The following CALN1 variants were observed in gnomAD, a reference collection of about 807,000 sequenced individuals.
CALN1 encodes the protein calcium-binding protein 8.
Under a neutral mutation model 30.6 loss-of-function variants are expected in CALN1, and 17 were observed. The observed-to-expected ratio is 0.56, with a 90% CI of 0.38 to 0.83. CALN1 has a LOEUF of 0.83. Ranked by LOEUF, CALN1 falls within the 40% of genes least tolerant of loss-of-function variation. CALN1 has a pLI of 0.00. For synonymous variants in CALN1, 156 were observed against 131.4 expected, an observed-to-expected ratio of 1.19 and a Z score of -1.28; for missense variants, 291 against 354.9, an observed-to-expected ratio of 0.82 and a Z score of 1.45.
At chr7:72,338,486 T>C (rs949863583) in intron 2 of CALN1, among the ~76,000 whole-genome samples, 2 of 132,268 alleles carry the variant, frequency 1.5e-5, no homozygotes, top group South Asian at 5.0e-4. Flanking sequence ...TGTGTGTGTG[T>C]GTGTGTGTGT....
At chr7:72,132,672 A>C (rs920828414) in intron 3 of CALN1, among the ~76,000 whole-genome samples, 2 of 152,204 alleles carry the variant, frequency 1.3e-5, no homozygotes, top group African/African-American at 4.8e-5. Context: ...CATATGCTGA[A>C]TCTGCACTTA....
chr7:72,051,829 G>C (rs1042277856), intron 4 of CALN1, among the ~76,000 whole-genome samples: 2 of 152,168 alleles, frequency 1.3e-5, no homozygotes, highest in African/African-American at 4.8e-5. Flanking sequence ...GCTGCAAACA[G>C]TGCTGGGGAA....
chr7:71,810,386 T>G lies in CALN1; in HGVS notation c.608A>C (p.Glu203Ala). ...CCCCGAGGTCTCATTCAGGCTCTCT[T>G]CCTCATTGATAATGATGTTCTCAAT... ...KDIENIIINE[E>A]ESLNETSGNC... Residue 203 changes from glutamate (E) to alanine (A), a missense_variant, in exon 6 of 7, where the codon GAA becomes GCA. Coordinates refer to ENST00000395275, the MANE Select transcript of CALN1 (RefSeq NM_031468.4). The G allele has an allele frequency of 6.2e-7, 1 of 1,614,148 alleles. No homozygotes were observed.
At chr7:71,965,395 A>G (rs1797481815) in intron 5 of CALN1, among the ~76,000 whole-genome samples, 1 of 152,126 alleles carries the variant, frequency 6.6e-6, no homozygotes, top group South Asian at 2.1e-4. Flanking sequence ...GAAAAGCACA[A>G]TCTTTAGTGT....
chr7:72,314,122 G>A (rs867721288), intron 2 of CALN1, among the ~76,000 whole-genome samples: 13 of 152,148 alleles, frequency 8.5e-5, no homozygotes, highest in African/African-American at 2.4e-4. Context: ...GTGAGGTGTC[G>A]GTCGACTGAG....
At chr7:72,387,073 G>T (rs1232327210) in intron 2 of CALN1, among the ~76,000 whole-genome samples, 7 of 150,898 alleles carry the variant, frequency 4.6e-5, no homozygotes, top group Non-Finnish European at 8.8e-5. Context: ...GTTCCCAATG[G>T]CCAAGGGTGC....
At chr7:72,013,246 G>GGTTTT in intron 5 of CALN1, among the ~76,000 whole-genome samples, 1 of 122,180 alleles carries the variant, frequency 8.2e-6, no homozygotes, top group African/African-American at 3.8e-5. Context: ...GCTAATTTGA[G>GGTTTT]ATTTTTTTTT....
chr7:72,346,020 A>G (rs1410354081), intron 2 of CALN1, among the ~76,000 whole-genome samples: 2 of 152,232 alleles, frequency 1.3e-5, no homozygotes, highest in Admixed American at 6.5e-5. Flanking sequence ...GGATTTATAT[A>G]AAACAGACAT....
intron 3 of CALN1, among the ~76,000 whole-genome samples, chr7:72,256,055 T>C (rs1795891222): frequency 6.6e-6 from 1 of 152,176 alleles, no homozygotes; most frequent in African/African-American, 2.4e-5. Context: ...AGGAGAGATA[T>C]ACGGAAGCGA....
At position 72,338,521 on chromosome 7, in the gene CALN1, G is replaced by GTCTGTC. The variant is rs368628309; in HGVS notation, c.120-59712_120-59711insGACAGA. On this transcript the variant is annotated intron_variant, in intron 2 of 6. Coordinates refer to ENST00000395275, the MANE Select transcript of CALN1 (RefSeq NM_031468.4). ...TGTGTGTGTGTGTGTGTGTGTGTGT[G>GTCTGTC]TGTGTGTCTCACCTGGGTGTGGTTT... is the stretch of plus-strand genomic sequence containing the variant. 8.4e-3 allele frequency among the ~76,000 whole-genome samples: 540 copies of GTCTGTC among 64,218 alleles called. 19 individuals are homozygous for GTCTGTC. The highest frequency in any genetic ancestry group is 0.022 in the African/African-American group (507 of 22,828). The allele number at this position is 64,218 out of a possible 152,430, so 42.1% of individuals were successfully genotyped here.
intron 4 of CALN1, among the ~76,000 whole-genome samples, chr7:72,098,235 C>G (rs556252903): frequency 2.0e-5 from 3 of 152,284 alleles, no homozygotes; most frequent in East Asian, 3.9e-4. Flanking sequence ...TGGTCCCCAA[C>G]TGGTGCTTGG....
At chr7:72,037,965 G>A (rs1433999974) in intron 4 of CALN1, among the ~76,000 whole-genome samples, 11 of 152,168 alleles carry the variant, frequency 7.2e-5, no homozygotes, top group South Asian at 2.1e-4. Context: ...TGGGGAAGGC[G>A]AGATGGAGGA....
chr7:72,098,066 T>C (rs997646524), intron 4 of CALN1, among the ~76,000 whole-genome samples: 2 of 152,140 alleles, frequency 1.3e-5, no homozygotes, highest in Non-Finnish European at 2.9e-5. Flanking sequence ...ACTAATACGA[T>C]GCAGGGGATG....
intron 3 of CALN1, among the ~76,000 whole-genome samples, chr7:72,196,044 T>G (rs1375270929): frequency 1.3e-5 from 2 of 152,022 alleles, no homozygotes; most frequent in Non-Finnish European, 2.9e-5. Flanking sequence ...AGTAGATTAG[T>G]GGCTGCCTAG....
chr7:71,959,517 G>A (rs1019801350), intron 5 of CALN1, among the ~76,000 whole-genome samples: 9 of 152,108 alleles, frequency 5.9e-5, no homozygotes, highest in Admixed American at 2.0e-4. Flanking sequence ...GAGCATAGGG[G>A]TATACCAGTT....
intron 6 of CALN1, among the ~76,000 whole-genome samples, chr7:71,802,827 A>T (rs1015688192): frequency 1.3e-5 from 2 of 152,156 alleles, no homozygotes; most frequent in Non-Finnish European, 2.9e-5. Context: ...GTTGGAGACC[A>T]GCCTGGCCAA....
chr7:72,136,379 T>C (rs1217156777), intron 3 of CALN1, among the ~76,000 whole-genome samples: 1 of 152,110 alleles, frequency 6.6e-6, no homozygotes, highest in Non-Finnish European at 1.5e-5. Context: ...GCAGCTTCCT[T>C]TCCTCTCTCA....
chr7:71,789,279 T>G (rs1030069459), intron 6 of CALN1, among the ~76,000 whole-genome samples: 2 of 152,146 alleles, frequency 1.3e-5, no homozygotes, highest in Non-Finnish European at 2.9e-5. Context: ...TAGCTGGGTA[T>G]GGTGGCACAT....
At chr7:72,158,612 T>C (rs1258609151) in intron 3 of CALN1, among the ~76,000 whole-genome samples, 7 of 152,112 alleles carry the variant, frequency 4.6e-5, no homozygotes, top group Non-Finnish European at 1.0e-4. Flanking sequence ...ATGGGTAGGC[T>C]TTCCTTCCCC....
Sources: gnomAD v4.1 joint callset for allele counts (sites outside exome capture counted in the v4.1 genomes callset) on GRCh38, gnomAD v4.1.1 for gene constraint, MANE v1.5 for transcripts, NCBI Gene and HGNC (gene_info 2026-07-23, HGNC 2026-07-21) for gene names.